The following COL4A4 variants were observed in gnomAD, a reference collection of about 807,000 sequenced individuals.
The protein encoded by COL4A4 is collagen type IV alpha 4 chain.
In COL4A4, 105 loss-of-function variants were observed where a neutral mutation model predicts 192.9. The ratio of observed to expected loss-of-function variants is 0.54; its 90% confidence interval spans 0.46 to 0.64. COL4A4 has a LOEUF of 0.64. Ranked by LOEUF, COL4A4 falls within the 30% of genes least tolerant of loss-of-function variation. The pLI, the probability that COL4A4 is intolerant of heterozygous loss-of-function variation, is 0.00. For synonymous variants in COL4A4, 762 were observed against 769.9 expected (o/e 0.99, Z 0.17); for missense variants, 1,967 against 2,169.3 (o/e 0.91, Z 1.85).
At position 227,010,510 on chromosome 2, in the gene COL4A4, A is replaced by T; in HGVS notation, c.4334-9T>A. The T allele has an allele frequency of 1.9e-6, 3 of 1,544,120 alleles. No homozygotes were observed. Among genetic ancestry groups the T allele is most frequent in the Non-Finnish European group, 2.6e-6 (3 of 1,149,550 alleles). ...AATGGGACCAGGAGGCCCTGGAGGA[A>T]CAAAGGAAAAAAATTGAAGGCAGGT... On this transcript the variant is annotated splice_polypyrimidine_tract_variant and intron_variant, in intron 45 of 47. Transcript: ENST00000396625.
intron 25 of COL4A4, among the ~76,000 whole-genome samples, chr2:227,064,441 G>A (rs1052992340): frequency 6.6e-6 from 1 of 152,092 alleles, no homozygotes; most frequent in African/African-American, 2.4e-5. Context: ...ATTCCTGAGG[G>A]AAAAGAAAAA....
chr2:227,026,002 G>A (rs1966847055), intron 42 of COL4A4, among the ~76,000 whole-genome samples, 192 bp from the exon 43 acceptor site: 1 of 152,070 alleles, frequency 6.6e-6, no homozygotes, highest in Admixed American at 6.6e-5. Flanking sequence ...GTGACTGACA[G>A]GAGCAGCTAT....
chr2:227,114,870 T>C (rs923735824), intron 7 of COL4A4, among the ~76,000 whole-genome samples, 174 bp from the exon 8 acceptor site: 6 of 152,224 alleles, frequency 3.9e-5, no homozygotes, highest in Non-Finnish European at 8.8e-5. Flanking sequence ...TTCTCACATA[T>C]ATTTACTCCA....
At chr2:227,057,259 A>G (rs1022724197) in intron 29 of COL4A4, among the ~76,000 whole-genome samples, 180 bp downstream of exon 29, 1 of 152,168 alleles carries the variant, frequency 6.6e-6, no homozygotes, top group African/African-American at 2.4e-5. Context: ...ACATTGCCCC[A>G]TAAGACTTGG....
At chr2:227,061,567 AAGAT>A (rs750692094) in intron 26 of COL4A4, among the ~76,000 whole-genome samples, 1 of 152,240 alleles carries the variant, frequency 6.6e-6, no homozygotes, top group Non-Finnish European at 1.5e-5. Context: ...GCAGACCCAT[AAGAT>A]AGAAAATAAG....
At position 227,043,901 on chromosome 2, in the gene COL4A4, C is replaced by A. The variant is rs1210952075; in HGVS notation, c.3290-717G>T. 2.0e-5 allele frequency among the ~76,000 whole-genome samples: 3 copies of A among 151,788 alleles called. No homozygotes were observed. In the East Asian group the frequency reaches 5.8e-4, roughly 29 times the overall value. On this transcript the variant is annotated intron_variant, in intron 35 of 47. Transcript: ENST00000396625. ...CAAACACTCATCCCATACTTGAATC[C>A]CCCCAATTATCCCCTTAATGTCCTT...
At chr2:227,011,014 G>C (rs2149751583) in intron 45 of COL4A4, among the ~76,000 whole-genome samples, 1 of 152,260 alleles carries the variant, frequency 6.6e-6, no homozygotes, top group Non-Finnish European at 1.5e-5. Context: ...CAAAGGCTTG[G>C]GATCCACATC....
In COL4A4 at chr2:227,118,779, A is replaced by C. The variant is rs978246620; in HGVS notation, c.373-18T>G. On this transcript the variant is annotated intron_variant, in intron 6 of 47. Transcript: ENST00000396625. Reference sequence around the variant, plus strand: ...GGGTGCCCCTGCAGAAAACAAAATTATAAGTGAAGCATTTTTGCGAAAATA... The same window carrying C: ...GGGTGCCCCTGCAGAAAACAAAATTCTAAGTGAAGCATTTTTGCGAAAATA... 111 of 1,557,092 alleles carry C rather than the reference A, an allele frequency of 7.1e-5. No individual in the cohort carries two copies. Among genetic ancestry groups the C allele is most frequent in the Non-Finnish European group, 8.8e-5 (100 of 1,130,736 alleles).
At chr2:227,015,928 T>G (rs1964761973) in intron 44 of COL4A4, among the ~76,000 whole-genome samples, 1 of 151,482 alleles carries the variant, frequency 6.6e-6, no homozygotes, top group South Asian at 2.1e-4. Flanking sequence ...TTAAGTTACC[T>G]TTTTTTTTCT....
At chr2:227,096,672 T>C (rs2060220195) in intron 19 of COL4A4, among the ~76,000 whole-genome samples, 1 of 152,228 alleles carries the variant, frequency 6.6e-6, no homozygotes, top group South Asian at 2.1e-4. Context: ...GGTCTTGTTT[T>C]ACAGATAAGA....
the COL4A4 span, chr2:226,988,729 T>A: frequency 1.1e-6 from 1 of 921,084 alleles, no homozygotes; most frequent in Non-Finnish European, 1.3e-6. Context: ...GATATAGATA[T>A]ATTAAGAGAT....
chr2:226,999,909 T>C (rs986537095), downstream of COL4A4, among the ~76,000 whole-genome samples: 29 of 152,348 alleles, frequency 1.9e-4, no homozygotes, highest in African/African-American at 6.5e-4. Flanking sequence ...GTGAAATTAC[T>C]GTGTCTTTCT....
chr2:227,020,338 A>T (rs1351636142), intron 44 of COL4A4, among the ~76,000 whole-genome samples: 1 of 152,220 alleles, frequency 6.6e-6, no homozygotes, highest in Non-Finnish European at 1.5e-5. Flanking sequence ...GTATCAAGAA[A>T]GATGAGTTAA....
chr2:226,972,297 A>G, the COL4A4 span, among the ~76,000 whole-genome samples: 3 of 152,142 alleles, frequency 2.0e-5, no homozygotes, highest in African/African-American at 4.8e-5. Context: ...CATGGTGTAT[A>G]TGTGCCACAT....
At chr2:227,011,522 A>G (rs1342023465) in intron 45 of COL4A4, among the ~76,000 whole-genome samples, 2 of 152,130 alleles carry the variant, frequency 1.3e-5, no homozygotes, top group African/African-American at 2.4e-5. Flanking sequence ...TCTACTCACT[A>G]CTAACCTGGT....
intron 2 of COL4A4, among the ~76,000 whole-genome samples, chr2:227,146,532 T>G (rs1289723786): frequency 6.6e-6 from 1 of 152,210 alleles, no homozygotes; most frequent in Non-Finnish European, 1.5e-5. Flanking sequence ...CCTGTTTTCC[T>G]ATTGCTGCTG....
At chr2:227,057,990 A>T (rs965121217) in intron 28 of COL4A4, among the ~76,000 whole-genome samples, 7 of 152,228 alleles carry the variant, frequency 4.6e-5, no homozygotes, top group Non-Finnish European at 1.0e-4. Flanking sequence ...GTATTCTCAA[A>T]TTTCTACTCA....
intron 42 of COL4A4, among the ~76,000 whole-genome samples, chr2:227,027,070 C>T (rs1167937170): frequency 6.6e-6 from 1 of 151,956 alleles, no homozygotes; most frequent in African/African-American, 2.4e-5. Context: ...GCCTTGCCAA[C>T]ATGGTGAAAC....
the COL4A4 span, chr2:226,996,794 G>A: frequency 5.9e-5 from 9 of 152,148 alleles, no homozygotes; most frequent in Non-Finnish European, 1.3e-4. Flanking sequence ...ATGTGTGTGT[G>A]TTACTTTTAC....
Sources: gnomAD v4.1 joint callset for allele counts (sites outside exome capture counted in the v4.1 genomes callset) on GRCh38, gnomAD v4.1.1 for gene constraint, MANE v1.5 for transcripts, NCBI Gene and HGNC (gene_info 2026-07-23, HGNC 2026-07-21) for gene names.